Variants in LMO7 observed in about 807,000 individuals in gnomAD.
LMO7 encodes LIM domain only protein 7.
A neutral mutation model predicts 206.5 loss-of-function variants in LMO7; 120 were observed. The ratio of observed to expected loss-of-function variants is 0.58; its 90% CI spans 0.50 to 0.68. LMO7 has a LOEUF of 0.68. Ranked by LOEUF, LMO7 falls within the 30% of genes least tolerant of loss-of-function variation. The pLI is 0.00. For missense variants in LMO7, 1,959 were observed against 1,957.9 expected (o/e 1.00, Z -0.01); for synonymous variants, 706 against 681.5 (o/e 1.04, Z -0.56).
chr13:75,700,447 C>T (rs1342556484), intron 1 of LMO7, among the ~76,000 whole-genome samples: 5 of 152,190 alleles, frequency 3.3e-5, no homozygotes, highest in East Asian at 1.9e-4. Flanking sequence ...GTTCTTCTGC[C>T]GTGGCTTCAG....
chr13:75,774,938 G>C (rs1373856953), intron 4 of LMO7, among the ~76,000 whole-genome samples: 1 of 152,054 alleles, frequency 6.6e-6, no homozygotes, highest in African/African-American at 2.4e-5. Context: ...ATGTTGCAAA[G>C]AGATTATCTA....
chr13:75,854,872 T>C (rs1319011318), intron 28 of LMO7: 1 of 157,422 alleles, frequency 6.4e-6, no homozygotes, highest in African/African-American at 2.4e-5. Context: ...TTTGGTGCTC[T>C]GAGGGGGTAG....
intron 3 of LMO7, among the ~76,000 whole-genome samples, chr13:75,733,880 G>C (rs2045537526): frequency 6.6e-6 from 1 of 152,084 alleles, no homozygotes; most frequent in Non-Finnish European, 1.5e-5. Context: ...ATTTGTTCAG[G>C]GTCACCTTCT....
intron 24 of LMO7, 28 bp from the exon 25 acceptor site, chr13:75,842,823 G>C: frequency 7.0e-7 from 1 of 1,438,178 alleles, no homozygotes; most frequent in Non-Finnish European, 9.8e-7. Flanking sequence ...CTAATATTTT[G>C]ACAACAAAAT....
chr13:75,747,607 G>C (rs2046952742), intron 3 of LMO7, among the ~76,000 whole-genome samples: 1 of 152,176 alleles, frequency 6.6e-6, no homozygotes, highest in Non-Finnish European at 1.5e-5. Flanking sequence ...GCCACACCTG[G>C]AGTCCAGTAT....
chr13:75,804,872 T>A, intron 8 of LMO7: 1 of 1,036,184 alleles, frequency 9.7e-7, no homozygotes, highest in Non-Finnish European at 1.2e-6. Flanking sequence ...TTAGTGGACA[T>A]GAAAAGAATC....
At position 75,656,708 on chromosome 13, in the gene LMO7, T is replaced by C. The variant is rs944700485; in HGVS notation, c.69+19982T>C. ...AAGTTTCATGTGGATGTGGAGTGTG[T>C]GGCTCTTGGAAAGGTTACATCAATT... On this transcript the variant is annotated intron_variant, in intron 1 of 30. Coordinates refer to ENST00000377534, the MANE Select transcript of LMO7 (RefSeq NM_001306080.2). 7.9e-5 allele frequency among the ~76,000 whole-genome samples: 12 copies of C among 152,168 alleles called. 1 individual carries two copies. Among genetic ancestry groups the C allele is most frequent in the African/African-American group, 2.9e-4 (12 of 41,434 alleles).
intron 15 of LMO7, among the ~76,000 whole-genome samples, chr13:75,829,700 GTT>G (rs34119641): frequency 2.7e-5 from 4 of 150,164 alleles, no homozygotes; most frequent in South Asian, 2.1e-4. Flanking sequence ...TATTGGCCCT[GTT>G]TTTTTTTTTA....
Position 75,804,914 on chromosome 13 carries a change from G to T in LMO7, c.914+373G>T, listed in dbSNP as rs961938266. 9.9e-6 allele frequency: 10 copies of T among 1,010,298 alleles called. No homozygotes were observed. The South Asian group carries it at 3.5e-4, about 35-fold the overall frequency. The allele number at this position is 1,010,298 out of a possible 1,614,324, so 62.6% of individuals were successfully genotyped here. A position where few individuals can be genotyped will look rare whatever the true frequency, so the allele number is the denominator to read the frequency against. On this transcript the variant is annotated intron_variant, in intron 8 of 30. Coordinates refer to ENST00000377534, the MANE Select transcript of LMO7 (RefSeq NM_001306080.2). ...TTTCTCAGCAAATTAGCAGAACAGA[G>T]TGTGGTTTTGCAAATCCAGCTTCCT... is the stretch of plus-strand genomic sequence containing the variant.
At chr13:75,647,287 C>T (rs1011357724) in intron 1 of LMO7, among the ~76,000 whole-genome samples, 2 of 152,188 alleles carry the variant, frequency 1.3e-5, no homozygotes, top group African/African-American at 4.8e-5. Context: ...AGCCCTGTGA[C>T]ATGACTAACT....
At chr13:75,730,863 T>C (rs2045114415) in intron 3 of LMO7, among the ~76,000 whole-genome samples, 1 of 141,708 alleles carries the variant, frequency 7.1e-6, no homozygotes, top group Non-Finnish European at 1.5e-5. Context: ...AACATCTTTA[T>C]TTCTGCCTTC....
chr13:75,700,126 T>C (rs547762998), intron 1 of LMO7, among the ~76,000 whole-genome samples: 1 of 152,356 alleles, frequency 6.6e-6, no homozygotes, highest in South Asian at 2.1e-4. Flanking sequence ...ATCGCTGTTA[T>C]CCTGTTCTTT....
At chr13:75,744,948 G>A (rs1403142387) in intron 3 of LMO7, among the ~76,000 whole-genome samples, 1 of 152,152 alleles carries the variant, frequency 6.6e-6, no homozygotes, top group East Asian at 1.9e-4. Context: ...TGATGAAATG[G>A]CATATCAGCT....
intron 12 of LMO7, among the ~76,000 whole-genome samples, chr13:75,818,025 A>T (rs2057220208): frequency 1.3e-5 from 2 of 152,222 alleles, no homozygotes; most frequent in South Asian, 4.1e-4. Context: ...AAGGAGTCAG[A>T]GTAAATCTTA....
chr13:75,651,309 CT>C (rs33997803), intron 1 of LMO7, among the ~76,000 whole-genome samples: 63,230 of 135,194 alleles, frequency 0.47, 13,652 homozygotes, highest in Admixed American at 0.58. Flanking sequence ...GTGTGGTTTC[CT>C]TTTTTTTTTT....
chr13:75,844,371 A>G (rs1441493883), intron 25 of LMO7, among the ~76,000 whole-genome samples: 9 of 150,526 alleles, frequency 6.0e-5, no homozygotes, highest in Admixed American at 5.3e-4. Flanking sequence ...TGTATATTAT[A>G]TATTGTCATT....
intron 26 of LMO7, among the ~76,000 whole-genome samples, chr13:75,846,147 T>C (rs530768425): frequency 2.5e-4 from 38 of 152,288 alleles, no homozygotes; most frequent in Middle Eastern, 3.4e-3. Context: ...TTTCATGTGC[T>C]GACAAGAGAT....
chr13:75,653,292 C>T lies in LMO7; in HGVS notation c.69+16566C>T, dbSNP rs143178257. On this transcript the variant is annotated intron_variant, in intron 1 of 30. Transcript: ENST00000377534. ...GATGAAATGGCTGAGGTAAATTGCTCAAGGCAGAGGAAGCCTGAAACCCAA... is the reference window on the plus strand; with the variant it reads ...GATGAAATGGCTGAGGTAAATTGCTTAAGGCAGAGGAAGCCTGAAACCCAA... Among the ~76,000 whole-genome samples the T allele has an allele frequency of 2.0e-3, 305 of 152,306 alleles. 2 individuals carry two copies. Among genetic ancestry groups the T allele is most frequent in the African/African-American group, 6.9e-3 (287 of 41,576 alleles).
intron 22 of LMO7, among the ~76,000 whole-genome samples, 155 bp from the exon 23 acceptor site, chr13:75,840,954 C>T (rs1183571154): frequency 6.6e-6 from 1 of 152,096 alleles, no homozygotes; most frequent in Admixed American, 6.6e-5. Context: ...CTCTTTTCTA[C>T]TATAGGGACT....
Sources: allele counts gnomAD v4.1 joint callset (sites outside exome capture counted in the v4.1 genomes callset), GRCh38; gene constraint gnomAD v4.1.1; transcripts MANE v1.5; gene names NCBI Gene and HGNC (gene_info 2026-07-23, HGNC 2026-07-21).